Variants in SYT1 observed in about 807,000 individuals in gnomAD.
SYT1 encodes the protein synaptotagmin-1.
Under a neutral mutation model 44.8 loss-of-function variants are expected in SYT1, and 8 were observed. That is an observed-to-expected ratio of 0.18 (90% CI 0.10 to 0.32). The LOEUF (loss-of-function observed/expected upper bound fraction) is 0.32. Among genes scored for constraint, SYT1 ranks in the 10% least tolerant of loss-of-function variants. The pLI is 1.00. For synonymous variants in SYT1, 154 were observed against 188.8 expected (o/e 0.82, Z 1.51); for missense variants, 286 against 509.3 (o/e 0.56, Z 4.22).
intron 1 of SYT1, among the ~76,000 whole-genome samples, chr12:78,968,619 A>T (rs1868302777): frequency 6.6e-6 from 1 of 152,148 alleles, no homozygotes; most frequent in South Asian, 2.1e-4. Flanking sequence ...ATCTAAAAGG[A>T]TCTCCACTGT....
intron 2 of SYT1, among the ~76,000 whole-genome samples, chr12:78,983,544 A>G (rs913571530): frequency 2.0e-4 from 30 of 152,040 alleles, no homozygotes; most frequent in African/African-American, 7.2e-4. Flanking sequence ...ACCATTCTAC[A>G]TTTACTATAT....
chr12:79,441,160 A>T (rs144173101), intron 9 of SYT1, among the ~76,000 whole-genome samples: 5 of 152,264 alleles, frequency 3.3e-5, no homozygotes, highest in Non-Finnish European at 7.4e-5. Flanking sequence ...TTTTGTTTTG[A>T]CTAAGTTGGG....
At chr12:79,318,201 A>T (rs1366838925) in intron 8 of SYT1, among the ~76,000 whole-genome samples, 1 of 152,204 alleles carries the variant, frequency 6.6e-6, no homozygotes, top group Non-Finnish European at 1.5e-5. Context: ...GATATTAGGA[A>T]AGTCTAATTA....
intron 8 of SYT1, among the ~76,000 whole-genome samples, chr12:79,314,168 CAA>C (rs34951756): frequency 0.065 from 4,381 of 67,086 alleles, 24 homozygotes; most frequent in African/African-American, 0.09. Flanking sequence ...GACTCCGTCT[CAA>C]AAAAAAAAAA....
intron 4 of SYT1, among the ~76,000 whole-genome samples, chr12:79,225,436 A>G (rs1689565116): frequency 6.6e-6 from 1 of 152,204 alleles, no homozygotes; most frequent in East Asian, 1.9e-4. Context: ...GAACACTAGA[A>G]TGGGAAACAC....
chr12:79,441,994 AT>A (rs1368510928), intron 9 of SYT1, among the ~76,000 whole-genome samples: 1 of 152,202 alleles, frequency 6.6e-6, no homozygotes, highest in Non-Finnish European at 1.5e-5. Flanking sequence ...TCTTAGCAAA[AT>A]CTGAAACTAT....
At chr12:79,385,525 C>CAATTAA in intron 9 of SYT1, among the ~76,000 whole-genome samples, 1 of 152,130 alleles carries the variant, frequency 6.6e-6, no homozygotes, top group South Asian at 2.1e-4. Context: ...TTGTCAGCCA[C>CAATTAA]AATTAAAATT....
chr12:79,011,144 G>T (rs1483623901), intron 2 of SYT1, among the ~76,000 whole-genome samples: 2 of 152,180 alleles, frequency 1.3e-5, no homozygotes, highest in Admixed American at 1.3e-4. Context: ...AATGTCATTA[G>T]TGAAGAGGAA....
intron 4 of SYT1, among the ~76,000 whole-genome samples, chr12:79,231,946 C>T (rs1875893102): frequency 1.3e-5 from 2 of 152,142 alleles, no homozygotes; most frequent in Admixed American, 6.5e-5. Flanking sequence ...ACATTGTTTG[C>T]TATGGTGAGC....
At chr12:79,085,505 T>G (rs1877322896) in intron 3 of SYT1, among the ~76,000 whole-genome samples, 1 of 152,136 alleles carries the variant, frequency 6.6e-6, no homozygotes, top group South Asian at 2.1e-4. Flanking sequence ...CCTCCTCCAG[T>G]GCTCACAGTG....
intron 1 of SYT1, among the ~76,000 whole-genome samples, chr12:78,966,347 A>G (rs1362420587): frequency 6.6e-6 from 1 of 152,012 alleles, no homozygotes; most frequent in African/African-American, 2.4e-5. Context: ...TCTTAACTCT[A>G]AGATTGGTAC....
In SYT1 at chr12:79,217,243, A is replaced by T. The variant is rs1319349431; in HGVS notation, c.-17-260A>T. On this transcript the variant is annotated intron_variant, in intron 3 of 10. Transcript: ENST00000261205. Reference sequence around the variant, plus strand: ...AATTGGCTGTATAAATAACTAATAGATTTGACAGTATACATAGTATTGCTG... The same window carrying T: ...AATTGGCTGTATAAATAACTAATAGTTTTGACAGTATACATAGTATTGCTG... Among the ~76,000 whole-genome samples, 27 of 152,226 alleles carry T rather than the reference A, an allele frequency of 1.8e-4. 1 individual carries two copies. The highest frequency in any genetic ancestry group is 1.6e-3 in the Admixed American group (25 of 15,280).
chr12:79,041,561 C>T (rs1037485491), intron 2 of SYT1, among the ~76,000 whole-genome samples: 11 of 152,142 alleles, frequency 7.2e-5, no homozygotes, highest in Non-Finnish European at 1.5e-4. Context: ...ACAATCATGT[C>T]GTCTGCAAAC....
At chr12:79,080,197 G>C (rs575352436) in intron 3 of SYT1, among the ~76,000 whole-genome samples, 87 of 152,186 alleles carry the variant, frequency 5.7e-4, no homozygotes, top group Non-Finnish European at 1.1e-3. Flanking sequence ...TGAGGATTTA[G>C]TATATAGACA....
chr12:79,186,228 A>G (rs1348532477), intron 3 of SYT1, among the ~76,000 whole-genome samples: 2 of 152,024 alleles, frequency 1.3e-5, no homozygotes, highest in Non-Finnish European at 2.9e-5. Context: ...TAGACATTCA[A>G]ATTCCTCTTA....
chr12:78,917,748 A>G (rs571560759), intron 1 of SYT1, among the ~76,000 whole-genome samples: 3 of 152,132 alleles, frequency 2.0e-5, no homozygotes, highest in South Asian at 4.2e-4. Flanking sequence ...TTGTTTTGTA[A>G]TCTTGACTCA....
intron 3 of SYT1, among the ~76,000 whole-genome samples, chr12:79,215,918 C>CTTTTTTTTTTTTTTT (rs71091653): frequency 1.0e-4 from 8 of 76,792 alleles, no homozygotes; most frequent in Non-Finnish European, 1.8e-4. Context: ...GCATTTCTTT[C>CTTTTTTTTTTTTTTT]TTTTTTTTTT....
At chr12:78,967,617 T>C (rs1868278944) in intron 1 of SYT1, among the ~76,000 whole-genome samples, 1 of 152,102 alleles carries the variant, frequency 6.6e-6, no homozygotes, top group Non-Finnish European at 1.5e-5. Flanking sequence ...GAGAAGCATA[T>C]GACATTTCAT....
At chr12:79,436,599 A>G (rs367577926) in intron 9 of SYT1, among the ~76,000 whole-genome samples, 20 of 152,344 alleles carry the variant, frequency 1.3e-4, no homozygotes, top group African/African-American at 4.8e-4. Flanking sequence ...GCTCCCTTAT[A>G]TCTCACACAA....
Sources: gnomAD v4.1 joint callset for allele counts (sites outside exome capture counted in the v4.1 genomes callset) on GRCh38, gnomAD v4.1.1 for gene constraint, MANE v1.5 for transcripts, NCBI Gene and HGNC (gene_info 2026-07-23, HGNC 2026-07-21) for gene names.